The following KCNN3 variants were observed in gnomAD, a reference collection of about 807,000 sequenced individuals.
KCNN3 encodes the protein small conductance calcium-activated potassium channel protein 3.
In KCNN3, 16 loss-of-function variants were observed where a neutral mutation model predicts 62.9. The ratio of observed to expected loss-of-function variants is 0.25; its 90% CI spans 0.17 to 0.39. The LOEUF (loss-of-function observed/expected upper bound fraction) is 0.39, where lower values mean the gene tolerates loss of function less well. Among genes scored for constraint, KCNN3 ranks in the 10% least tolerant of loss-of-function variants. KCNN3 has a pLI of 1.00. For missense variants in KCNN3, 599 were observed against 949.4 expected, an observed-to-expected ratio of 0.63 and a Z score of 4.85; for synonymous variants, 370 against 389.2, an observed-to-expected ratio of 0.95 and a Z score of 0.58.
At chr1:154,758,559 T>C (rs956852873) in intron 3 of KCNN3, among the ~76,000 whole-genome samples, 1 of 152,164 alleles carries the variant, frequency 6.6e-6, no homozygotes, top group Non-Finnish European at 1.5e-5. Context: ...CCAGGTGTGT[T>C]AGGGCCAGCA....
chr1:154,831,685 T>C (rs1478497093), intron 1 of KCNN3, among the ~76,000 whole-genome samples: 1 of 152,086 alleles, frequency 6.6e-6, no homozygotes, highest in Admixed American at 6.5e-5. Flanking sequence ...AGTCTCTGCT[T>C]GATTTTCTCC....
Position 154,822,311 on chromosome 1 carries a change from C to A in KCNN3, c.934-127G>T, listed in dbSNP as rs1220448005. 1.9e-5 allele frequency: 14 copies of A among 756,574 alleles called. No homozygotes were observed. In the East Asian group the frequency reaches 3.5e-4, roughly 19 times the overall value. The allele number at this position is 756,574 out of a possible 1,614,324, so 46.9% of individuals were successfully genotyped here. ...GACTGTTACCAGCCCCTCCTAGGAG[C>A]AGGTGTAGCACAAAGTCAGCCTGAG... On this transcript the variant is annotated intron_variant, in intron 1 of 7. Transcript: ENST00000271915.
chr1:154,804,040 T>C (rs1163396180), intron 2 of KCNN3, among the ~76,000 whole-genome samples: 4 of 152,236 alleles, frequency 2.6e-5, no homozygotes, highest in African/African-American at 7.2e-5. Flanking sequence ...TGCTCCCTTG[T>C]TGGCATGACA....
rs144072589 is a variant in KCNN3 at position 154,708,001 on chromosome 1, G to C, written c.2171C>G (p.Pro724Arg). 6 of 1,613,418 alleles carry C rather than the reference G, an allele frequency of 3.7e-6. No individual in the cohort carries two copies. The Admixed American group carries it at 1.0e-4, about 27-fold the overall frequency. The stretch of plus-strand genomic sequence containing the variant: ...TTAGCAACTGCTTGAACTTGTGTAC[G>C]GGGTCGGGAAGGAGGTGGAGCTGAC... ...IGVSSTSFPT[P>R]YTSSSSC The change falls in exon 8 of 8, where the codon CCG (proline) becomes CGG (arginine). Residue 724 changes from proline (P) to arginine (R), a missense_variant. By Grantham distance (103) the Pro-to-Arg change is moderately radical (BLOSUM62 -2). This residue lies in a region of KCNN3 where 52 missense variants were observed against 53.3 expected (regional missense o/e 0.98). Coordinates refer to ENST00000271915, the MANE Select transcript of KCNN3 (RefSeq NM_002249.6).
In KCNN3 at chr1:154,732,983, G is replaced by A. The variant is rs965639473; in HGVS notation, c.1590+20C>T. On this transcript the variant is annotated intron_variant, in intron 4 of 7. Transcript: ENST00000271915. ...TTGCCACATTTTAAGGGTAGGGAAT[G>A]GGGAGAGGCGGGTACTCACCATGAT... is the stretch of plus-strand genomic sequence containing the variant. 1.9e-6 allele frequency: 3 copies of A among 1,613,800 alleles called. No individual in the cohort carries two copies. The highest frequency in any genetic ancestry group is 1.7e-4 in the Middle Eastern group (1 of 6,048).
intron 1 of KCNN3, among the ~76,000 whole-genome samples, chr1:154,846,832 G>T (rs990342048): frequency 9.9e-5 from 15 of 152,216 alleles, no homozygotes; most frequent in African/African-American, 2.9e-4. Context: ...AGGAATGAAG[G>T]TTTATTCAGC....
At chr1:154,839,690 C>A (rs1288568670) in intron 1 of KCNN3, among the ~76,000 whole-genome samples, 1 of 152,196 alleles carries the variant, frequency 6.6e-6, no homozygotes, top group Admixed American at 6.5e-5. Flanking sequence ...TCGCCTGGGG[C>A]AGACTCGGCC....
In KCNN3 at chr1:154,706,707, G is replaced by T. The variant is rs1571195369; in HGVS notation, c.*1269C>A. On this transcript the variant is annotated 3_prime_UTR_variant, in exon 8 of 8. Transcript: ENST00000271915. ...ATATTTCATTTTGAGATGACTTAAG[G>T]TCAGGTAGAAGGGACCACATAGGCC... The T allele has an allele frequency of 6.6e-6, 1 of 152,178 alleles. No homozygotes were observed. The highest frequency in any genetic ancestry group is 6.5e-5 in the Admixed American group (1 of 15,276). The allele number at this position is 152,178 out of a possible 1,614,324, so 9.4% of individuals were successfully genotyped here.
chr1:154,765,661 C>T (rs1648223690), intron 3 of KCNN3, among the ~76,000 whole-genome samples: 1 of 144,724 alleles, frequency 6.9e-6, no homozygotes, highest in African/African-American at 2.6e-5. Flanking sequence ...CAGGGTCTCA[C>T]TCTGTCACCC....
In KCNN3 at chr1:154,869,462, T is replaced by C. The variant is rs754341660; in HGVS notation, c.503A>G (p.Asn168Ser). 2 of 1,613,870 alleles carry C rather than the reference T, an allele frequency of 1.2e-6. No homozygotes were observed. The highest frequency in any genetic ancestry group is 1.7e-6 in the Non-Finnish European group (2 of 1,179,930). The change falls in exon 1 of 8, where the codon AAC (asparagine) becomes AGC (serine). Residue 168 changes from asparagine to serine, a missense_variant. Asn to Ser is a conservative substitution (Grantham distance 46). Around this residue, in one of 7 missense-constraint regions of KCNN3, gnomAD observed 112 missense variants for 142.9 expected, o/e 0.78. Transcript: ENST00000271915. This position sits in a 1 kb window ranked among gnomAD's most constrained non-coding sequence, Gnocchi z 6.1. Reference sequence around the variant, plus strand: ...GCTCATGGCGATCTCCGTGAAGGGGTTGCTGTCCCGCCGGTGCACCAGGGG... The same window carrying C: ...GCTCATGGCGATCTCCGTGAAGGGGCTGCTGTCCCGCCGGTGCACCAGGGG... ...ASPLVHRRDS[N>S]PFTEIAMSSC...
intron 5 of KCNN3, among the ~76,000 whole-genome samples, chr1:154,724,226 C>A (rs571945254): frequency 7.9e-5 from 12 of 152,364 alleles, no homozygotes; most frequent in African/African-American, 2.9e-4. Flanking sequence ...CACTCTCCCA[C>A]TGCCTTCCCC....
At chr1:154,731,289 G>T (rs758609836) in intron 4 of KCNN3, among the ~76,000 whole-genome samples, 1 of 152,320 alleles carries the variant, frequency 6.6e-6, no homozygotes, top group Non-Finnish European at 1.5e-5. Flanking sequence ...CCTACTAACC[G>T]ATGGGAGGTA....
chr1:154,773,933 T>C (rs1648679767), intron 2 of KCNN3, among the ~76,000 whole-genome samples: 1 of 152,222 alleles, frequency 6.6e-6, no homozygotes, highest in Non-Finnish European at 1.5e-5. Flanking sequence ...GGCAGCACTG[T>C]GCTCTCAGAC....
At chr1:154,738,838 G>A (rs1376797164) in intron 3 of KCNN3, among the ~76,000 whole-genome samples, 1 of 152,212 alleles carries the variant, frequency 6.6e-6, no homozygotes, top group Non-Finnish European at 1.5e-5. Context: ...TGCAGGAAGG[G>A]AAAAGTTATC....
At chr1:154,827,421 C>A (rs531376548) in intron 1 of KCNN3, among the ~76,000 whole-genome samples, 1 of 152,334 alleles carries the variant, frequency 6.6e-6, no homozygotes, top group Non-Finnish European at 1.5e-5. Flanking sequence ...CTCACACTGT[C>A]CAGTTCTTGG....
chr1:154,714,255 T>TG (rs1700159140), intron 6 of KCNN3, among the ~76,000 whole-genome samples: 1 of 92,506 alleles, frequency 1.1e-5, no homozygotes, highest in African/African-American at 4.2e-5. Context: ...GTATGGTGTG[T>TG]GTGATGTGTG....
intron 3 of KCNN3, among the ~76,000 whole-genome samples, chr1:154,755,530 GAA>G (rs1647614010): frequency 3.5e-3 from 320 of 91,362 alleles, no homozygotes; most frequent in Middle Eastern, 0.013. Context: ...AAAGAAAGAA[GAA>G]GAAAGGAAAG....
At chr1:154,852,904 G>A (rs1652362348) in intron 1 of KCNN3, among the ~76,000 whole-genome samples, 1 of 152,080 alleles carries the variant, frequency 6.6e-6, no homozygotes, top group Non-Finnish European at 1.5e-5. Context: ...CTTCCCCCAG[G>A]TGGCTGGATC....
rs553658306 is a variant in KCNN3, at chr1:154,732,949, T to G, written c.1590+54A>C. The G allele has an allele frequency of 5.0e-6, 8 of 1,603,450 alleles. No individual in the cohort carries two copies. In the East Asian group the frequency reaches 1.8e-4, roughly 36 times the overall value. ...GCCCCTATGTGCTTGCAAGAAAGAGTTCAGCTCTTTGCCACATTTTAAGGG... is the reference window on the plus strand; with the variant it reads ...GCCCCTATGTGCTTGCAAGAAAGAGGTCAGCTCTTTGCCACATTTTAAGGG... On this transcript the variant is annotated intron_variant, in intron 4 of 7. Transcript: ENST00000271915.
Sources: gnomAD v4.1 joint callset for allele counts (sites outside exome capture counted in the v4.1 genomes callset) on GRCh38, gnomAD v4.1.1 for gene constraint, gnomAD v4.1.1 regional missense constraint, Gnocchi (gnomAD v3.1) non-coding constraint, MANE v1.5 for transcripts, NCBI Gene and HGNC (gene_info 2026-07-23, HGNC 2026-07-21) for gene names.